GNG2: variants seen among roughly 807,000 people sequenced by gnomAD.
The protein encoded by GNG2 is G protein subunit gamma 2, also known as guanine nucleotide-binding protein G(I)/G(S)/G(O) subunit gamma-2.
GNG2 carries 5 observed loss-of-function variants against 5.5 expected under a neutral mutation model. That is an observed-to-expected ratio of 0.91 (90% CI 0.48 to 1.92). The LOEUF (loss-of-function observed/expected upper bound fraction) is 1.92. GNG2 is among the 30% of genes most tolerant of loss of function. The pLI is 0.01. For synonymous variants in GNG2, 28 were observed against 32.0 expected (o/e 0.88, Z 0.42); for missense variants, 55 against 88.4 (o/e 0.62, Z 1.52).
At chr14:51,896,906 G>A (rs915857038) in intron 2 of GNG2, among the ~76,000 whole-genome samples, 8 of 152,122 alleles carry the variant, frequency 5.3e-5, no homozygotes, top group African/African-American at 1.9e-4. Context: ...AGAATAATGT[G>A]TCATTATTGA....
At chr14:51,911,301 C>T (rs535665121) in intron 2 of GNG2, among the ~76,000 whole-genome samples, 4 of 152,112 alleles carry the variant, frequency 2.6e-5, no homozygotes, top group South Asian at 2.1e-4. Flanking sequence ...AATTCTGTTA[C>T]GGGGTAGGGA....
At chr14:51,883,374 A>G (rs1341923753) in intron 2 of GNG2, among the ~76,000 whole-genome samples, 1 of 152,260 alleles carries the variant, frequency 6.6e-6, no homozygotes, top group Non-Finnish European at 1.5e-5. Context: ...CTATTTAAAT[A>G]TCTCTGTTAG....
At chr14:51,892,317 T>A (rs1255068523) in intron 2 of GNG2, among the ~76,000 whole-genome samples, 5 of 151,918 alleles carry the variant, frequency 3.3e-5, no homozygotes, top group African/African-American at 7.2e-5. Context: ...TTATTTTATT[T>A]TATTTTTTTT....
intron 2 of GNG2, among the ~76,000 whole-genome samples, chr14:51,920,804 C>G (rs1442647529): frequency 6.6e-6 from 1 of 152,086 alleles, no homozygotes; most frequent in East Asian, 1.9e-4. Flanking sequence ...CTTTCTCAAC[C>G]AAGACATCAT....
Position 51,912,155 on chromosome 14 carries a change from C to A in GNG2, c.-30+34498C>A, listed in dbSNP as rs61108871. ...GAGACTCAAACTTGGGCAGTGTGGC[C>A]CAGAGCCCAAGCTCTTGACCACTTT... is the stretch of plus-strand genomic sequence containing the variant. On this transcript the variant is annotated intron_variant, in intron 2 of 3. Transcript: ENST00000556766. Among the ~76,000 whole-genome samples, 3 of 126,494 alleles carry A rather than the reference C, an allele frequency of 2.4e-5. 1 individual carries two copies. In the South Asian group the frequency reaches 8.1e-4, roughly 34 times the overall value. 83.0% of individuals were successfully genotyped at this position (126,494 alleles called of 152,430 possible).
At chr14:51,826,919 A>G (rs969758475) in intron 1 of GNG2, among the ~76,000 whole-genome samples, 5 of 152,242 alleles carry the variant, frequency 3.3e-5, no homozygotes, top group Non-Finnish European at 5.9e-5. Flanking sequence ...TTCTCCAGCC[A>G]TGCTTGATGT....
chr14:51,952,368 C>A (rs1377970007), intron 3 of GNG2, among the ~76,000 whole-genome samples: 3 of 152,218 alleles, frequency 2.0e-5, no homozygotes, highest in African/African-American at 7.2e-5. Flanking sequence ...TTCCTCTTCT[C>A]CTCTTTTCTT....
chr14:51,889,109 C>CTTT (rs1173479215), intron 2 of GNG2, among the ~76,000 whole-genome samples: 9 of 118,934 alleles, frequency 7.6e-5, no homozygotes, highest in African/African-American at 9.3e-5. Context: ...TGGGTTTGCG[C>CTTT]TTTTTTTTTT....
At chr14:51,921,535 G>T (rs1015722172) in intron 2 of GNG2, among the ~76,000 whole-genome samples, 2 of 152,170 alleles carry the variant, frequency 1.3e-5, no homozygotes, top group African/African-American at 4.8e-5. Context: ...GTTGGAAGAA[G>T]GCCCAAACCA....
At chr14:51,884,792 CCA>C (rs1884334540) in intron 2 of GNG2, among the ~76,000 whole-genome samples, 1 of 152,270 alleles carries the variant, frequency 6.6e-6, no homozygotes, top group Admixed American at 6.5e-5. Flanking sequence ...GTAATACTGA[CCA>C]CAGGGGAGGA....
intron 3 of GNG2, among the ~76,000 whole-genome samples, chr14:51,964,612 T>A (rs1404973628): frequency 1.3e-5 from 2 of 152,182 alleles, no homozygotes; most frequent in Non-Finnish European, 2.9e-5. Flanking sequence ...CTTCTATCTG[T>A]TCTGTGGCAA....
intron 3 of GNG2, among the ~76,000 whole-genome samples, chr14:51,955,168 A>T (rs7144097): frequency 0.32 from 47,837 of 148,380 alleles, 8,545 homozygotes; most frequent in Non-Finnish European, 0.39. Flanking sequence ...GACCCCACAG[A>T]AAAATGTCTC....
chr14:51,875,947 C>CTTTTTTTTTT lies in GNG2; in HGVS notation c.-70-1664_-70-1663insTTTTTTTTTT, dbSNP rs10529707. Among the ~76,000 whole-genome samples, 33 of 141,144 alleles carry CTTTTTTTTTT rather than the reference C, an allele frequency of 2.3e-4. 5 individuals are homozygous for CTTTTTTTTTT. The highest frequency in any genetic ancestry group is 4.0e-4 in the African/African-American group (15 of 37,512). 92.6% of individuals were successfully genotyped at this position (141,144 alleles called of 152,430 possible). On this transcript the variant is annotated intron_variant, in intron 1 of 3. Coordinates refer to ENST00000556766, the MANE Select transcript of GNG2 (RefSeq NM_053064.5). ...TTTTTCATCATTTAAACATTTTTTT[C>CTTTTTTTTTT]TTTTTTCCGAGACAGACTCTCACTC... is the stretch of plus-strand genomic sequence containing the variant.
chr14:51,880,309 G>A (rs932792646), intron 2 of GNG2, among the ~76,000 whole-genome samples: 2 of 152,172 alleles, frequency 1.3e-5, no homozygotes, highest in Non-Finnish European at 2.9e-5. Flanking sequence ...ATGTCTGGCT[G>A]TTATTTTATG....
At chr14:51,907,124 C>T (rs962911430) in intron 2 of GNG2, among the ~76,000 whole-genome samples, 4 of 152,164 alleles carry the variant, frequency 2.6e-5, no homozygotes, top group African/African-American at 9.7e-5. Flanking sequence ...GGCATGACGG[C>T]TCCTGGATTT....
At chr14:51,845,510 A>C (rs1881598640) in intron 2 of GNG2, among the ~76,000 whole-genome samples, 1 of 152,158 alleles carries the variant, frequency 6.6e-6, no homozygotes, top group African/African-American at 2.4e-5. Flanking sequence ...ATAAATATCC[A>C]TGGATCTTTA....
chr14:51,843,055 G>A (rs1323649469), intron 2 of GNG2, among the ~76,000 whole-genome samples: 1 of 152,178 alleles, frequency 6.6e-6, no homozygotes, highest in Non-Finnish European at 1.5e-5. Flanking sequence ...CTGAGATGTT[G>A]CAGCTAAAGA....
intron 2 of GNG2, among the ~76,000 whole-genome samples, chr14:51,912,483 TG>T (rs1369584284): frequency 6.6e-6 from 1 of 152,260 alleles, no homozygotes; most frequent in Non-Finnish European, 1.5e-5. Context: ...ACGGCTGCCC[TG>T]GTTGGTGAAG....
intron 3 of GNG2, among the ~76,000 whole-genome samples, chr14:51,965,702 C>A (rs1253666): frequency 0.93 from 140,845 of 152,210 alleles, 65,667 homozygotes; most frequent in Non-Finnish European, 0.98. Flanking sequence ...ATATCTCCTG[C>A]TGCATCTGCT....
Sources: gnomAD v4.1 joint callset for allele counts (sites outside exome capture counted in the v4.1 genomes callset) on GRCh38, gnomAD v4.1.1 for gene constraint, MANE v1.5 for transcripts, NCBI Gene and HGNC (gene_info 2026-07-23, HGNC 2026-07-21) for gene names.